JAK3: variants seen among roughly 807,000 people sequenced by gnomAD.
JAK3 encodes the protein tyrosine-protein kinase JAK3.
Under a neutral mutation model 120.8 loss-of-function variants are expected in JAK3, and 88 were observed. That is an observed-to-expected ratio of 0.73 (90% CI 0.61 to 0.87). The LOEUF (loss-of-function observed/expected upper bound fraction) is 0.87, where lower values mean the gene tolerates loss of function less well. JAK3 is among the 40% of genes least tolerant of loss of function. JAK3 has a pLI of 0.00. For synonymous variants in JAK3, 592 were observed against 628.6 expected (o/e 0.94, Z 0.87); for missense variants, 1,254 against 1,501.4 (o/e 0.84, Z 2.72).
chr19:17,842,248 C>T lies in JAK3; in HGVS notation c.861+68G>A, dbSNP rs2094241216. 2.1e-6 allele frequency: 3 copies of T among 1,417,740 alleles called. No homozygotes were observed. In the Admixed American group the frequency reaches 7.9e-5, roughly 37 times the overall value. The allele number at this position is 1,417,740 out of a possible 1,614,324, so 87.8% of individuals were successfully genotyped here. ...TTTGGCTCCGCCCCACATCCCCTAC[C>T]ACTCTCCGGCCCCTCCCCGAGCCCC... On this transcript the variant is annotated intron_variant, in intron 6 of 23. Coordinates refer to ENST00000458235, the MANE Select transcript of JAK3 (RefSeq NM_000215.4). The surrounding 1 kb of genome is among the most constrained non-coding windows in gnomAD (Gnocchi z 6.4).
chr19:17,833,070 T>A, intron 17 of JAK3, 141 bp from the exon 18 acceptor site: 2 of 1,448,802 alleles, frequency 1.4e-6, no homozygotes, highest in Middle Eastern at 4.9e-4. Flanking sequence ...AAAGGGTACC[T>A]TGTGGAGACT....
chr19:17,843,708 GT>G lies in JAK3; in HGVS notation c.308+68del. 1.3e-6 allele frequency: 2 copies of G among 1,576,948 alleles called. No homozygotes were observed. Among genetic ancestry groups the G allele is most frequent in the South Asian group, 2.2e-5 (2 of 90,126 alleles). The stretch of plus-strand genomic sequence containing the variant: ...GACCATACCTCCCTGGGGCAGGGGT[GT>G]GGGCACCTCGAAATGCAAGGAGATG... On this transcript the variant is annotated intron_variant, in intron 3 of 23. Coordinates refer to ENST00000458235, the MANE Select transcript of JAK3 (RefSeq NM_000215.4). The surrounding 1 kb of genome is among the most constrained non-coding windows in gnomAD (Gnocchi z 5.4).
rs938353659 is a variant in JAK3, at chr19:17,831,893, C to T, written c.2681-95G>A. ...AGTGGGACCTTGTGTCCCTCTCGAC[C>T]TCAGTTTTGCTGACTGTAATATGGG... On this transcript the variant is annotated intron_variant, in intron 19 of 23. Coordinates refer to ENST00000458235, the MANE Select transcript of JAK3 (RefSeq NM_000215.4). The surrounding 1 kb of genome is among the most constrained non-coding windows in gnomAD (Gnocchi z 5.1). The T allele has an allele frequency of 2.0e-6, 3 of 1,519,016 alleles. No individual in the cohort carries two copies. In the African/African-American group the frequency reaches 4.1e-5, roughly 21 times the overall value. The allele number at this position is 1,519,016 out of a possible 1,614,324, so 94.1% of individuals were successfully genotyped here.
At chr19:17,828,837 C>A (rs1048643819) in intron 23 of JAK3, among the ~76,000 whole-genome samples, 1 of 152,154 alleles carries the variant, frequency 6.6e-6, no homozygotes, top group African/African-American at 2.4e-5. Context: ...GACACTTCCA[C>A]AAAGGTTATG....
Position 17,832,659 on chromosome 19 carries a change from T to A in JAK3, c.2540A>T (p.Asn847Ile). ...ELCRYDPLGD[N>I]TGALVAVKQL... ...TTTCACGGCCACCAGGGCACCTGTATTGTCGCCTAGCGGGTCATAGCGGCA... is the reference window on the plus strand; with the variant it reads ...TTTCACGGCCACCAGGGCACCTGTAATGTCGCCTAGCGGGTCATAGCGGCA... The change falls in exon 19 of 24, where the codon AAT (asparagine) becomes ATT (isoleucine). Residue 847 changes from asparagine to isoleucine, a missense_variant. Coordinates refer to ENST00000458235, the MANE Select transcript of JAK3 (RefSeq NM_000215.4). The surrounding 1 kb of genome is among the most constrained non-coding windows in gnomAD (Gnocchi z 4.7). The A allele has an allele frequency of 6.2e-7, 1 of 1,614,198 alleles. No individual in the cohort carries two copies. Among genetic ancestry groups the A allele is most frequent in the Non-Finnish European group, 8.5e-7 (1 of 1,180,034 alleles).
intron 23 of JAK3, among the ~76,000 whole-genome samples, chr19:17,827,577 C>T (rs2094206119): frequency 1.3e-5 from 2 of 151,552 alleles, no homozygotes; most frequent in Admixed American, 6.6e-5. Context: ...GAACTCCTGA[C>T]CTCATGTAAT....
In JAK3 at chr19:17,841,679, G is replaced by C. The variant is rs1321747262; in HGVS notation, c.945C>G (p.His315Gln). 6.2e-7 allele frequency: 1 copy of C among 1,613,760 alleles called. No individual in the cohort carries two copies. The highest frequency in any genetic ancestry group is 8.5e-7 in the Non-Finnish European group (1 of 1,179,964). Residue 315 changes from histidine (H) to glutamine (Q), a missense_variant, in exon 7 of 24, where the codon CAC (histidine) becomes CAG (glutamine). By Grantham distance (24) the His-to-Gln change is conservative (BLOSUM62 0). Coordinates refer to ENST00000458235, the MANE Select transcript of JAK3 (RefSeq NM_000215.4). This position sits in a 1 kb window ranked among gnomAD's most constrained non-coding sequence, Gnocchi z 4.1. ...QAPRVGPAGE[H>Q]RLVTVTRTDN... ...CTGTCCTGGTAACAGTGACCAGGCG[G>C]TGCTCTCCGGCCGGGCCAACGCGCG... is the stretch of plus-strand genomic sequence containing the variant.
Position 17,828,625 on chromosome 19 carries a change from G to C in JAK3, c.3207+1483C>G, listed in dbSNP as rs912343129. 7.2e-5 allele frequency among the ~76,000 whole-genome samples: 11 copies of C among 152,212 alleles called. No individual in the cohort carries two copies. The East Asian group carries it at 1.9e-3, about 27-fold the overall frequency. Reference sequence around the variant, plus strand: ...GCTGGTCTTGAACTCCTGGGCTCCAGTGATCCTTCTGCCTCAGCCTCCCAA... The same window carrying C: ...GCTGGTCTTGAACTCCTGGGCTCCACTGATCCTTCTGCCTCAGCCTCCCAA... On this transcript the variant is annotated intron_variant, in intron 23 of 23. Transcript: ENST00000458235.
Position 17,842,932 on chromosome 19 carries a change from G to C in JAK3, c.566+95C>G. On this transcript the variant is annotated intron_variant, in intron 5 of 23. Coordinates refer to ENST00000458235, the MANE Select transcript of JAK3 (RefSeq NM_000215.4). The surrounding 1 kb of genome is among the most constrained non-coding windows in gnomAD (Gnocchi z 6.4). ...CATAGGAACACCCTGAAAGCTTGCA[G>C]GAGAACTCCATGGTGGGAGCCCGGC... is the stretch of plus-strand genomic sequence containing the variant. 1 of 1,539,748 alleles carries C rather than the reference G, an allele frequency of 6.5e-7. No individual in the cohort carries two copies. The highest frequency in any genetic ancestry group is 8.9e-7 in the Non-Finnish European group (1 of 1,127,656).
Position 17,842,971 on chromosome 19 carries a change from A to G in JAK3, c.566+56T>C. 6.2e-7 allele frequency: 1 copy of G among 1,601,202 alleles called. No individual in the cohort carries two copies. Among genetic ancestry groups the G allele is most frequent in the East Asian group, 2.2e-5 (1 of 44,834 alleles). Reference sequence around the variant, plus strand: ...TGGGAGCCCGGCAAAGCCCCGATGGAGCCCACGTTGCTCACTCCCAAGCAG... The same window carrying G: ...TGGGAGCCCGGCAAAGCCCCGATGGGGCCCACGTTGCTCACTCCCAAGCAG... On this transcript the variant is annotated intron_variant, in intron 5 of 23. Coordinates refer to ENST00000458235, the MANE Select transcript of JAK3 (RefSeq NM_000215.4). This position sits in a 1 kb window ranked among gnomAD's most constrained non-coding sequence, Gnocchi z 6.4.
In JAK3 at chr19:17,843,760, TG is replaced by T. The variant is rs3212717; in HGVS notation, c.308+16del. ...ATAAAATTGTACAATCCCTGGGGGC[TG>T]GGGGGCACTTCCTACCGAATCCTGT... On this transcript the variant is annotated intron_variant, in intron 3 of 23. Transcript: ENST00000458235. The surrounding 1 kb of genome is among the most constrained non-coding windows in gnomAD (Gnocchi z 5.4). The T allele has an allele frequency of 3.2e-3, 5,198 of 1,613,142 alleles. 136 individuals carry two copies. The African/African-American group carries it at 0.059, about 18-fold the overall frequency.
rs2094244493 is a variant in JAK3, at chr19:17,843,260, A to AC, written c.421-89dup. 1 of 1,542,290 alleles carries AC rather than the reference A, an allele frequency of 6.5e-7. No individual in the cohort carries two copies. On this transcript the variant is annotated intron_variant, in intron 4 of 23. Transcript: ENST00000458235. The surrounding 1 kb of genome is among the most constrained non-coding windows in gnomAD (Gnocchi z 5.4). Reference sequence around the variant, plus strand: ...TGCAGACCCCCCCAATCCTGGGCTGACCCCCACCCCTGGACTGCCACAGGG... The same window carrying AC: ...TGCAGACCCCCCCAATCCTGGGCTGACCCCCCACCCCTGGACTGCCACAGGG...
intron 1 of JAK3, among the ~76,000 whole-genome samples, chr19:17,846,067 C>T (rs1721498475): frequency 6.6e-6 from 1 of 152,082 alleles, no homozygotes; most frequent in African/African-American, 2.4e-5. Flanking sequence ...ATCCTCCTGC[C>T]TCGGACTCCC....
Position 17,838,396 on chromosome 19 carries a change from G to C in JAK3, c.1442-6C>G, listed in dbSNP as rs778907954. ...CACGATCAGGTTGGACTTTTCTATG[G>C]GGAGAGGATGAGGGAGAAAAACCAG... On this transcript the variant is annotated splice_region_variant and splice_polypyrimidine_tract_variant and intron_variant, in intron 10 of 23. Transcript: ENST00000458235. 6 of 1,614,130 alleles carry C rather than the reference G, an allele frequency of 3.7e-6. No individual in the cohort carries two copies. The Admixed American group carries it at 5.0e-5, about 13-fold the overall frequency.
chr19:17,836,346 G>A (rs1276567944), intron 13 of JAK3, among the ~76,000 whole-genome samples: 4 of 152,012 alleles, frequency 2.6e-5, no homozygotes, highest in East Asian at 3.9e-4. Context: ...GCAGTGGTGC[G>A]ATCTCGGCTT....
chr19:17,832,465 G>A lies in JAK3; in HGVS notation c.2680+54C>T, dbSNP rs1021967206. ...TGGCCTGGCAGGAGGGTAAGAATGT[G>A]CACTTTGAAAAGCACCCATACGTCT... On this transcript the variant is annotated intron_variant, in intron 19 of 23. Coordinates refer to ENST00000458235, the MANE Select transcript of JAK3 (RefSeq NM_000215.4). This position sits in a 1 kb window ranked among gnomAD's most constrained non-coding sequence, Gnocchi z 4.7. 2.5e-6 allele frequency: 4 copies of A among 1,571,390 alleles called. No homozygotes were observed. Among genetic ancestry groups the A allele is most frequent in the East Asian group, 2.2e-5 (1 of 44,682 alleles).
chr19:17,842,524 C>A lies in JAK3; in HGVS notation c.653G>T (p.Arg218Leu), dbSNP rs201460834. 1.3e-6 allele frequency: 2 copies of A among 1,591,684 alleles called. No individual in the cohort carries two copies. Among genetic ancestry groups the A allele is most frequent in the Non-Finnish European group, 8.5e-7 (1 of 1,169,970 alleles). The change falls in exon 6 of 24, where the codon CGC becomes CTC. Residue 218 changes from arginine to leucine, a missense_variant. Coordinates refer to ENST00000458235, the MANE Select transcript of JAK3 (RefSeq NM_000215.4). This position sits in a 1 kb window ranked among gnomAD's most constrained non-coding sequence, Gnocchi z 6.4. ...VTRRRIRRTV[R>L]RALRRVAACQ... ...GGCGGCCACGCGGCGCAGGGCTCTG[C>A]GCACCGTCCTCCGAATACGCCTCCG...
chr19:17,832,448 C>T lies in JAK3; in HGVS notation c.2680+71G>A. The T allele has an allele frequency of 1.3e-6, 2 of 1,501,100 alleles. No homozygotes were observed. The highest frequency in any genetic ancestry group is 1.9e-6 in the Non-Finnish European group (2 of 1,078,152). The allele number at this position is 1,501,100 out of a possible 1,614,324, so 93.0% of individuals were successfully genotyped here. A position where few individuals can be genotyped will look rare whatever the true frequency, so the allele number is the denominator to read the frequency against. ...TCCCAGCCTACCTAAAGTGGCCTGG[C>T]AGGAGGGTAAGAATGTGCACTTTGA... On this transcript the variant is annotated intron_variant, in intron 19 of 23. Transcript: ENST00000458235. This position sits in a 1 kb window ranked among gnomAD's most constrained non-coding sequence, Gnocchi z 4.7.
At position 17,830,533 on chromosome 19, in the gene JAK3, G is replaced by A. The variant is rs200112920; in HGVS notation, c.3066C>T (p.Thr1022=). ...AGGGGCTGCAGCTTTTGTCGCAGTA[G>A]GTGAAGAGCTCGTACAGGACGACCC... ...SFGVVLYELF[T]YCDKSCSPSA... is the part of the protein sequence containing the mutation. The change falls in exon 22 of 24, where the codon ACC becomes ACT. Residue 1022 remains threonine (T), a synonymous_variant. Coordinates refer to ENST00000458235, the MANE Select transcript of JAK3 (RefSeq NM_000215.4). 1.3e-5 allele frequency: 21 copies of A among 1,613,638 alleles called. No individual in the cohort carries two copies. The highest frequency in any genetic ancestry group is 1.6e-5 in the Non-Finnish European group (19 of 1,179,826).
Sources: gnomAD v4.1 joint callset for allele counts (sites outside exome capture counted in the v4.1 genomes callset) on GRCh38, gnomAD v4.1.1 for gene constraint, Gnocchi (gnomAD v3.1) non-coding constraint, MANE v1.5 for transcripts, NCBI Gene and HGNC (gene_info 2026-07-23, HGNC 2026-07-21) for gene names.